CDH22: variants seen among roughly 807,000 people sequenced by gnomAD.
The protein encoded by CDH22 is cadherin-22.
A neutral mutation model predicts 58.4 loss-of-function variants in CDH22; 30 were observed. The ratio of observed to expected loss-of-function variants is 0.51; its 90% CI spans 0.38 to 0.70. The LOEUF is 0.70. Ranked by LOEUF, CDH22 falls within the 30% of genes least tolerant of loss-of-function variation. The probability of loss-of-function intolerance (pLI) is 0.00; values close to 1 mark genes in which losing one functional copy is unlikely to be tolerated. For synonymous variants in CDH22, 513 were observed against 558.2 expected (o/e 0.92, Z 1.14); for missense variants, 1,014 against 1,233.9 (o/e 0.82, Z 2.67).
intron 8 of CDH22, among the ~76,000 whole-genome samples, chr20:46,198,610 C>T (rs1046395332): frequency 6.6e-6 from 1 of 152,170 alleles, no homozygotes; most frequent in Admixed American, 6.5e-5. Context: ...CCAGAGGTAC[C>T]CTGATGGAGA....
intron 8 of CDH22, among the ~76,000 whole-genome samples, chr20:46,191,713 A>T (rs1357528640): frequency 6.6e-6 from 1 of 152,170 alleles, no homozygotes; most frequent in African/African-American, 2.4e-5. Context: ...CTGGTTTTAA[A>T]GGGGAGTTTT....
chr20:46,251,539 G>T lies in CDH22; in HGVS notation c.-245C>A, dbSNP rs866477135. ...GGCATGGACAGCCCCCGGGGTGCCCGCCCGCGCCCCCGTCGCCGCGTCGCG... is the reference window on the plus strand; with the variant it reads ...GGCATGGACAGCCCCCGGGGTGCCCTCCCGCGCCCCCGTCGCCGCGTCGCG... On this transcript the variant is annotated 5_prime_UTR_variant, in exon 2 of 12. Coordinates refer to ENST00000537909, the MANE Select transcript of CDH22 (RefSeq NM_021248.3). This position sits in a 1 kb window ranked among gnomAD's most constrained non-coding sequence, Gnocchi z 6.7. The T allele has an allele frequency of 3.1e-6, 1 of 318,180 alleles. No individual in the cohort carries two copies. Among genetic ancestry groups the T allele is most frequent in the Non-Finnish European group, 5.6e-6 (1 of 177,652 alleles). 19.7% of individuals were successfully genotyped at this position (318,180 alleles called of 1,614,324 possible). A position where few individuals can be genotyped will look rare whatever the true frequency, so the allele number is the denominator to read the frequency against.
chr20:46,189,613 C>A (rs1326296992), intron 8 of CDH22, among the ~76,000 whole-genome samples: 1 of 152,176 alleles, frequency 6.6e-6, no homozygotes, highest in Non-Finnish European at 1.5e-5. Flanking sequence ...CATTATAGCA[C>A]CTTTGCTTTG....
chr20:46,211,185 A>C (rs117151994), intron 6 of CDH22, among the ~76,000 whole-genome samples: 1 of 152,328 alleles, frequency 6.6e-6, no homozygotes, highest in East Asian at 1.9e-4. Flanking sequence ...TGACCCTCTG[A>C]TGAATGAGCT....
In CDH22 at chr20:46,184,290, A is replaced by G. The variant is rs150876140; in HGVS notation, c.1663+2298T>C. 4.7e-3 allele frequency among the ~76,000 whole-genome samples: 713 copies of G among 152,080 alleles called. 5 individuals are homozygous for G. Among genetic ancestry groups the G allele is most frequent in the African/African-American group, 0.017 (700 of 41,494 alleles). On this transcript the variant is annotated intron_variant, in intron 10 of 11. Coordinates refer to ENST00000537909, the MANE Select transcript of CDH22 (RefSeq NM_021248.3). ...ATTTTTGTATTTTTAGTAGAGACTG[A>G]GTTTCACCATGTTGGCCAGGCTGGT...
intron 1 of CDH22, among the ~76,000 whole-genome samples, chr20:46,282,508 A>G (rs2145768704): frequency 6.6e-6 from 1 of 152,348 alleles, no homozygotes. Context: ...GGCAAATAGA[A>G]TAAAACCTGA....
intron 10 of CDH22, among the ~76,000 whole-genome samples, chr20:46,181,974 G>C (rs895339544): frequency 6.6e-6 from 1 of 151,130 alleles, no homozygotes; most frequent in Non-Finnish European, 1.5e-5. Context: ...CTGCCACCAC[G>C]CCTGGCTAAT....
Position 46,300,813 on chromosome 20 carries a change from G to C in CDH22, c.-400+7442C>G, listed in dbSNP as rs1018369851. Among the ~76,000 whole-genome samples the C allele has an allele frequency of 7.9e-5, 12 of 152,222 alleles. No homozygotes were observed. The highest frequency in any genetic ancestry group is 7.2e-4 in the Admixed American group (11 of 15,286). Reference sequence around the variant, plus strand: ...CCCAGTGGTCCCTGAAGAAATCATCGGACAAGAGCGTGAAGATGTGTGTAC... The same window carrying C: ...CCCAGTGGTCCCTGAAGAAATCATCCGACAAGAGCGTGAAGATGTGTGTAC... On this transcript the variant is annotated intron_variant, in intron 1 of 11. Transcript: ENST00000537909. This position sits in a 1 kb window ranked among gnomAD's most constrained non-coding sequence, Gnocchi z 4.4.
chr20:46,296,631 C>T (rs73301983), intron 1 of CDH22, among the ~76,000 whole-genome samples: 2,677 of 152,270 alleles, frequency 0.018, 88 homozygotes, highest in African/African-American at 0.061. Context: ...GAGCAATGGC[C>T]TAGCGGGTAT....
rs1187257387 is a variant in CDH22 at position 46,227,634 on chromosome 20, C to G, written c.551-7G>C. 1 of 1,608,826 alleles carries G rather than the reference C, an allele frequency of 6.2e-7. No individual in the cohort carries two copies. Among genetic ancestry groups the G allele is most frequent in the South Asian group, 1.1e-5 (1 of 90,092 alleles). On this transcript the variant is annotated splice_polypyrimidine_tract_variant and splice_region_variant and intron_variant, in intron 3 of 11. Transcript: ENST00000537909. ...ACCTGCATCACCGACGTGCCTGGGC[C>G]CGGGGGACCAAGCGAGACAGGGGTC...
rs2086171822 is a variant in CDH22, at chr20:46,226,258, TCTTCTTCTTCTTCTTC to T, written c.670+1234_670+1249del. On this transcript the variant is annotated intron_variant, in intron 4 of 11. Transcript: ENST00000537909. ...TTCTTCTTCTTCTTCTTCTTCTTCT[TCTTCTTCTTCTTCTTC>T]TTCTTCTTCTTCTTCTTCTTTTTTT... Among the ~76,000 whole-genome samples, 2 of 75,162 alleles carry T rather than the reference TCTTCTTCTTCTTCTTC, an allele frequency of 2.7e-5. 1 individual carries two copies. The allele number at this position is 75,162 out of a possible 152,430, so 49.3% of individuals were successfully genotyped here.
chr20:46,289,243 T>A (rs192141177), intron 1 of CDH22, among the ~76,000 whole-genome samples: 1 of 152,182 alleles, frequency 6.6e-6, no homozygotes, highest in Non-Finnish European at 1.5e-5. Context: ...GCTGACCCCA[T>A]GCACCTTTCC....
Position 46,251,302 on chromosome 20 carries a change from C to G in CDH22, c.-8G>C, listed in dbSNP as rs1435044399. ...TTCGGGCCTCGGCCTCATCCTTGGCCTGCGCGGGGCTGGGGCCCAGGAGCA... is the reference window on the plus strand; with the variant it reads ...TTCGGGCCTCGGCCTCATCCTTGGCGTGCGCGGGGCTGGGGCCCAGGAGCA... On this transcript the variant is annotated 5_prime_UTR_variant, in exon 2 of 12. Transcript: ENST00000537909. The surrounding 1 kb of genome is among the most constrained non-coding windows in gnomAD (Gnocchi z 6.7). 5 of 1,444,178 alleles carry G rather than the reference C, an allele frequency of 3.5e-6. No homozygotes were observed. In the Admixed American group the frequency reaches 1.6e-4, roughly 45 times the overall value. 89.5% of individuals were successfully genotyped at this position (1,444,178 alleles called of 1,614,324 possible).
intron 1 of CDH22, among the ~76,000 whole-genome samples, chr20:46,255,684 G>A (rs1008929097): frequency 1.3e-5 from 2 of 152,158 alleles, no homozygotes; most frequent in Non-Finnish European, 2.9e-5. Flanking sequence ...AGCCCTGCTA[G>A]GGCTGCCACA....
At chr20:46,262,956 C>T (rs1219664456) in intron 1 of CDH22, among the ~76,000 whole-genome samples, 1 of 152,204 alleles carries the variant, frequency 6.6e-6, no homozygotes, top group Non-Finnish European at 1.5e-5. Flanking sequence ...AGCTCTGACT[C>T]AATGTTCAGC....
At chr20:46,217,291 TACTC>T (rs1297441827) in intron 4 of CDH22, among the ~76,000 whole-genome samples, 16 of 152,050 alleles carry the variant, frequency 1.1e-4, no homozygotes, top group East Asian at 5.8e-4. Flanking sequence ...TGGATGCAGA[TACTC>T]ACACATACAC....
intron 3 of CDH22, among the ~76,000 whole-genome samples, chr20:46,236,692 T>TAGAGAGAG (rs74174558): frequency 5.5e-5 from 8 of 144,160 alleles, no homozygotes; most frequent in African/African-American, 2.1e-4. Flanking sequence ...TATATATACA[T>TAGAGAGAG]AGAGAGAGAG....
At chr20:46,292,694 G>A (rs2086609766) in intron 1 of CDH22, among the ~76,000 whole-genome samples, 1 of 152,112 alleles carries the variant, frequency 6.6e-6, no homozygotes, top group Non-Finnish European at 1.5e-5. Context: ...CAGTCACACA[G>A]AACTTCTCAT....
At chr20:46,264,833 C>G (rs1370194673) in intron 1 of CDH22, among the ~76,000 whole-genome samples, 1 of 151,530 alleles carries the variant, frequency 6.6e-6, no homozygotes, top group Non-Finnish European at 1.5e-5. Context: ...ACACACACAC[C>G]ATGCACACAC....
Sources: allele counts gnomAD v4.1 joint callset (sites outside exome capture counted in the v4.1 genomes callset), GRCh38; gene constraint gnomAD v4.1.1; non-coding constraint Gnocchi (gnomAD v3.1); transcripts MANE v1.5; gene names NCBI Gene and HGNC (gene_info 2026-07-23, HGNC 2026-07-21).